CUX1: variants seen among roughly 807,000 people sequenced by gnomAD.
CUX1 encodes protein CASP.
In CUX1, 31 loss-of-function variants were observed where a neutral mutation model predicts 158.8. That is an observed-to-expected ratio of 0.20 (90% CI 0.15 to 0.26). CUX1 has a LOEUF of 0.26. Ranked by LOEUF, CUX1 falls within the 10% of genes least tolerant of loss-of-function variation. The pLI is 1.00. For missense variants in CUX1, 1,589 were observed against 2,014.6 expected (o/e 0.79, Z 4.04); for synonymous variants, 879 against 862.1 (o/e 1.02, Z -0.34).
intron 22 of CUX1, among the ~76,000 whole-genome samples, chr7:102,238,921 G>A (rs1799877781): frequency 6.6e-6 from 1 of 152,128 alleles, no homozygotes; most frequent in Non-Finnish European, 1.5e-5. Flanking sequence ...ACGGAATCTT[G>A]CTCTGTTACT....
At chr7:101,957,309 TG>T (rs1809902106) in intron 2 of CUX1, among the ~76,000 whole-genome samples, 1 of 152,240 alleles carries the variant, frequency 6.6e-6, no homozygotes, top group Non-Finnish European at 1.5e-5. Flanking sequence ...ATGAGGACAC[TG>T]GATTCTTCCA....
intron 11 of CUX1, 64 bp downstream of exon 11, chr7:102,178,721 C>G: frequency 6.8e-7 from 1 of 1,469,760 alleles, no homozygotes; most frequent in South Asian, 1.3e-5. Flanking sequence ...GACACACGCG[C>G]ACACACACAC....
At chr7:102,219,300 C>T (rs1554526058) in intron 20 of CUX1, among the ~76,000 whole-genome samples, 1 of 152,048 alleles carries the variant, frequency 6.6e-6, no homozygotes, top group East Asian at 1.9e-4. Context: ...TTGATCTTTC[C>T]TGGAGTGGGG....
rs1256849135 is a variant in CUX1 at position 102,243,657 on chromosome 7, A to AATAATT, written c.3887+4078_3887+4079insTATAAT. On this transcript the variant is annotated intron_variant, in intron 23 of 23. Transcript: ENST00000292535. Reference sequence around the variant, plus strand: ...AAATAATAATAATAATAATAATAATAATAATAATAATAATAATAATAAAAT... The same window carrying AATAATT: ...AAATAATAATAATAATAATAATAATAATAATTATAATAATAATAATAATAATAAAAT... Among the ~76,000 whole-genome samples the AATAATT allele has an allele frequency of 9.7e-4, 139 of 143,662 alleles. 1 individual carries two copies. Among genetic ancestry groups the AATAATT allele is most frequent in the Non-Finnish European group, 1.6e-3 (107 of 65,338 alleles). 94.2% of individuals were successfully genotyped at this position (143,662 alleles called of 152,430 possible).
chr7:101,948,259 T>C (rs1808627279), intron 2 of CUX1, among the ~76,000 whole-genome samples: 1 of 152,196 alleles, frequency 6.6e-6, no homozygotes, highest in Non-Finnish European at 1.5e-5. Context: ...ATTTGTCCAT[T>C]ATTTGGGCTC....
At chr7:102,200,309 A>C (rs2132018876) in intron 17 of CUX1, 137 bp downstream of exon 17, 1 of 655,432 alleles carries the variant, frequency 1.5e-6, no homozygotes, top group Non-Finnish European at 2.5e-6. Context: ...AGGCACGTAG[A>C]GAGAAGCAGG....
intron 3 of CUX1, among the ~76,000 whole-genome samples, chr7:102,030,451 G>A (rs988106626): frequency 1.4e-5 from 2 of 144,352 alleles, no homozygotes; most frequent in African/African-American, 5.1e-5. Context: ...TCAAACACAC[G>A]TGGAAGGCTC....
At chr7:102,266,599 C>G (rs1221911179) in intron 14 of CUX1, among the ~76,000 whole-genome samples, 1 of 152,074 alleles carries the variant, frequency 6.6e-6, no homozygotes, top group African/African-American at 2.4e-5. Context: ...AGTGAGGCAT[C>G]TGCGGATGGT....
chr7:101,890,419 T>TC (rs1287476979), intron 1 of CUX1, among the ~76,000 whole-genome samples: 2 of 150,730 alleles, frequency 1.3e-5, no homozygotes, highest in South Asian at 2.1e-4. Flanking sequence ...AGGACAGCTG[T>TC]CCCCCCCTCC....
At chr7:102,103,625 G>A (rs1004764951) in intron 5 of CUX1, among the ~76,000 whole-genome samples, 3 of 152,064 alleles carry the variant, frequency 2.0e-5, no homozygotes, top group Non-Finnish European at 4.4e-5. Flanking sequence ...TTGTAGAGGC[G>A]GGGCTCGCTG....
chr7:102,014,733 C>A (rs1396578363), intron 2 of CUX1, among the ~76,000 whole-genome samples: 1 of 151,952 alleles, frequency 6.6e-6, no homozygotes, highest in African/African-American at 2.4e-5. Context: ...TCCCAAGTTG[C>A]CCCCTAAGTT....
At chr7:102,128,885 G>C (rs1288151486) in intron 8 of CUX1, among the ~76,000 whole-genome samples, 4 of 151,966 alleles carry the variant, frequency 2.6e-5, no homozygotes, top group Non-Finnish European at 5.9e-5. Flanking sequence ...GGCTGAAGTA[G>C]AAGAATCACT....
At chr7:102,227,955 T>C (rs190629590) in intron 21 of CUX1, among the ~76,000 whole-genome samples, 11,705 of 141,916 alleles carry the variant, frequency 0.082, 731 homozygotes, top group African/African-American at 0.18. Context: ...TTTTTTCTTT[T>C]TTTTTTTTTT....
chr7:102,170,690 G>A, intron 10 of CUX1, 140 bp downstream of exon 10: 1 of 614,646 alleles, frequency 1.6e-6, no homozygotes, highest in East Asian at 2.9e-5. Flanking sequence ...GGTGGGGTTT[G>A]CTTTGACCAA....
chr7:101,913,241 C>T (rs755014793), intron 1 of CUX1: 3 of 532,360 alleles, frequency 5.6e-6, no homozygotes, highest in Non-Finnish European at 9.0e-6. Flanking sequence ...CTCAGTCTCT[C>T]CTCCTCGCTG....
chr7:101,876,731 A>G (rs1038067992), intron 1 of CUX1, among the ~76,000 whole-genome samples: 9 of 152,162 alleles, frequency 5.9e-5, no homozygotes, highest in Non-Finnish European at 1.2e-4. Flanking sequence ...ATATCTTTCA[A>G]TGATAGTTAA....
Position 101,819,819 on chromosome 7 carries a change from T to C in CUX1, c.30+2150T>C, listed in dbSNP as rs79126847. ...GTTAATGCAACAACTCCTGGTACAG[T>C]TGAGTCCACAGAGAGCCCTTTGACT... On this transcript the variant is annotated intron_variant, in intron 1 of 23. Coordinates refer to ENST00000292535, the MANE Select transcript of CUX1 (RefSeq NM_181552.4). Among the ~76,000 whole-genome samples the C allele has an allele frequency of 8.2e-3, 1,243 of 152,320 alleles. 11 individuals carry two copies. The highest frequency in any genetic ancestry group is 0.012 in the Non-Finnish European group (832 of 68,036).
chr7:102,166,581 G>A (rs1439020480), intron 9 of CUX1, among the ~76,000 whole-genome samples: 3 of 152,136 alleles, frequency 2.0e-5, no homozygotes, highest in Non-Finnish European at 2.9e-5. Flanking sequence ...ACGCCGACCC[G>A]GGACAGGGCC....
At chr7:102,272,988 C>G (rs1474454421) in intron 14 of CUX1, among the ~76,000 whole-genome samples, 2 of 152,320 alleles carry the variant, frequency 1.3e-5, no homozygotes, top group African/African-American at 4.8e-5. Context: ...CCTCCTTGCC[C>G]CTGCCTGACA....
Sources: allele counts gnomAD v4.1 joint callset (sites outside exome capture counted in the v4.1 genomes callset), GRCh38; gene constraint gnomAD v4.1.1; transcripts MANE v1.5; gene names NCBI Gene and HGNC (gene_info 2026-07-23, HGNC 2026-07-21).